The following CLASP1 variants were observed in gnomAD, a reference collection of about 807,000 sequenced individuals.
CLASP1 encodes CLIP-associating protein 1.
Under a neutral mutation model 192.3 loss-of-function variants are expected in CLASP1, and 38 were observed. The ratio of observed to expected loss-of-function variants is 0.20; its 90% confidence interval spans 0.15 to 0.26. The LOEUF is 0.26. Ranked by LOEUF, CLASP1 falls within the 10% of genes least tolerant of loss-of-function variation. The probability of loss-of-function intolerance (pLI) is 1.00; values close to 1 mark genes in which losing one functional copy is unlikely to be tolerated. For synonymous variants in CLASP1, 691 were observed against 712.8 expected (o/e 0.97, Z 0.49); for missense variants, 1,433 against 1,932.5 (o/e 0.74, Z 4.85).
At position 121,365,363 on chromosome 2, in the gene CLASP1, C is replaced by T. The variant is rs2067184514; in HGVS notation, c.3887-79G>A. Reference sequence around the variant, plus strand: ...GGCTTGCTCAGTGGTGCGCAGTGATCCTTCCCTTCCTGCCTCCTCTCCCAG... The same window carrying T: ...GGCTTGCTCAGTGGTGCGCAGTGATTCTTCCCTTCCTGCCTCCTCTCCCAG... On this transcript the variant is annotated intron_variant, in intron 35 of 39. Coordinates refer to ENST00000263710, the Ensembl canonical transcript of CLASP1. The T allele has an allele frequency of 1.2e-4, 151 of 1,296,642 alleles. 4 individuals are homozygous for T. The South Asian group carries it at 1.9e-3, about 17-fold the overall frequency. The allele number at this position is 1,296,642 out of a possible 1,614,324, so 80.3% of individuals were successfully genotyped here. A position where few individuals can be genotyped will look rare whatever the true frequency, so the allele number is the denominator to read the frequency against.
At chr2:121,552,303 A>G (rs2058111615) in intron 2 of CLASP1, among the ~76,000 whole-genome samples, 2 of 152,242 alleles carry the variant, frequency 1.3e-5, no homozygotes, top group African/African-American at 4.8e-5. Flanking sequence ...TGACAAAGAC[A>G]CCAAAAGCAA....
intron 8 of CLASP1, among the ~76,000 whole-genome samples, chr2:121,484,287 C>T (rs867013686): frequency 1.3e-5 from 2 of 152,178 alleles, no homozygotes; most frequent in Middle Eastern, 3.2e-3. Flanking sequence ...TCATCTCGGC[C>T]CACCACTGAA....
chr2:121,452,777 C>A (rs1231721011), intron 14 of CLASP1, among the ~76,000 whole-genome samples: 1 of 152,034 alleles, frequency 6.6e-6, no homozygotes, highest in Non-Finnish European at 1.5e-5. Flanking sequence ...GGCGACAGAG[C>A]GAGACTCTGT....
intron 2 of CLASP1, 75 bp from the exon 3 acceptor site, chr2:121,530,400 G>A (rs1428669322): frequency 2.5e-6 from 3 of 1,210,636 alleles, no homozygotes; most frequent in Non-Finnish European, 3.5e-6. Context: ...GCTCCGGGGA[G>A]GCCTAGACAT....
At chr2:121,403,877 A>C (rs1173848999) in intron 26 of CLASP1, 6 of 449,126 alleles carry the variant, frequency 1.3e-5, no homozygotes, top group Non-Finnish European at 2.7e-5. Context: ...ATTCTTGGTA[A>C]CAGCAAAATC....
At chr2:121,530,588 G>A (rs1208016493) in intron 2 of CLASP1, 2 of 530,592 alleles carry the variant, frequency 3.8e-6, no homozygotes, top group Non-Finnish European at 6.8e-6. Context: ...GGTTAGCTGC[G>A]GGTGGAGTTC....
At chr2:121,495,920 G>T (rs932928338) in intron 8 of CLASP1, among the ~76,000 whole-genome samples, 1 of 152,160 alleles carries the variant, frequency 6.6e-6, no homozygotes, top group African/African-American at 2.4e-5. Context: ...TCCCTGCAAG[G>T]TGTTCACTCC....
intron 19 of CLASP1, 59 bp downstream of exon 19, chr2:121,447,278 T>G: frequency 6.9e-7 from 1 of 1,458,658 alleles, no homozygotes; most frequent in East Asian, 2.4e-5. Context: ...TGCTAAGAGG[T>G]TAAGAGTCAT....
intron 2 of CLASP1, among the ~76,000 whole-genome samples, chr2:121,552,464 G>T (rs1184703787): frequency 6.6e-6 from 1 of 152,118 alleles, no homozygotes; most frequent in Non-Finnish European, 1.5e-5. Context: ...CTAATATCCA[G>T]CATCTATAAG....
intron 19 of CLASP1, among the ~76,000 whole-genome samples, chr2:121,439,051 A>T (rs1174133606): frequency 2.0e-5 from 3 of 149,808 alleles, no homozygotes; most frequent in African/African-American, 7.4e-5. Context: ...TTCCTGGTTT[A>T]GTCTTGGGAG....
intron 2 of CLASP1, among the ~76,000 whole-genome samples, chr2:121,560,164 A>G (rs2058949181): frequency 6.6e-6 from 1 of 152,168 alleles, no homozygotes; most frequent in South Asian, 2.1e-4. Context: ...TGATAATGAA[A>G]AAACTTAACA....
At chr2:121,391,544 T>C (rs1056149614) in intron 30 of CLASP1, among the ~76,000 whole-genome samples, 2 of 152,248 alleles carry the variant, frequency 1.3e-5, no homozygotes, top group African/African-American at 4.8e-5. Context: ...CTAGGTCTTT[T>C]ACTTAATAAT....
At chr2:121,453,517 G>A (rs2085992886) in intron 14 of CLASP1, among the ~76,000 whole-genome samples, 1 of 152,102 alleles carries the variant, frequency 6.6e-6, no homozygotes, top group Non-Finnish European at 1.5e-5. Context: ...CAAAGGAAAA[G>A]ACACCAACTA....
At chr2:121,531,334 G>T (rs1274480197) in intron 2 of CLASP1, among the ~76,000 whole-genome samples, 2 of 152,146 alleles carry the variant, frequency 1.3e-5, no homozygotes, top group African/African-American at 2.4e-5. Context: ...GGTGGCTCAC[G>T]CCTGCAATCC....
intron 29 of CLASP1, among the ~76,000 whole-genome samples, chr2:121,397,973 G>A (rs1479685006): frequency 6.6e-6 from 1 of 152,156 alleles, no homozygotes; most frequent in Non-Finnish European, 1.5e-5. Flanking sequence ...ACACAAGAAT[G>A]TCTTAATTTT....
intron 1 of CLASP1, among the ~76,000 whole-genome samples, chr2:121,617,641 C>A (rs1194015795): frequency 2.0e-5 from 3 of 152,134 alleles, no homozygotes; most frequent in Non-Finnish European, 2.9e-5. Flanking sequence ...AGTCGATCGC[C>A]CCTTCCTTCT....
chr2:121,486,561 C>T (rs1054509180), intron 8 of CLASP1, among the ~76,000 whole-genome samples: 3 of 152,222 alleles, frequency 2.0e-5, no homozygotes, highest in African/African-American at 7.2e-5. Flanking sequence ...ATCAGATCTA[C>T]ACCCTGTGCT....
intron 37 of CLASP1, among the ~76,000 whole-genome samples, chr2:121,358,422 C>T (rs1402324476): frequency 6.6e-6 from 1 of 152,184 alleles, no homozygotes; most frequent in Non-Finnish European, 1.5e-5. Context: ...TTTCCCAGTG[C>T]CCATTGATAC....
At chr2:121,606,598 A>G (rs921594360) in intron 1 of CLASP1, among the ~76,000 whole-genome samples, 3 of 152,226 alleles carry the variant, frequency 2.0e-5, no homozygotes, top group Admixed American at 6.5e-5. Flanking sequence ...AAAAAAAACC[A>G]AGTATGGGAA....
Sources: gnomAD v4.1 joint callset for allele counts (sites outside exome capture counted in the v4.1 genomes callset) on GRCh38, gnomAD v4.1.1 for gene constraint, MANE v1.5 for transcripts, NCBI Gene and HGNC (gene_info 2026-07-23, HGNC 2026-07-21) for gene names.